KCND2: variants seen among roughly 807,000 people sequenced by gnomAD.
KCND2 encodes the protein A-type voltage-gated potassium channel KCND2.
In KCND2, 16 loss-of-function variants were observed where a neutral mutation model predicts 54.4. The ratio of observed to expected loss-of-function variants is 0.29; its 90% CI spans 0.20 to 0.45. The LOEUF is 0.45. Ranked by LOEUF, KCND2 falls within the 20% of genes least tolerant of loss-of-function variation. The probability of loss-of-function intolerance (pLI) is 1.00; values close to 1 mark genes in which losing one functional copy is unlikely to be tolerated. For missense variants in KCND2, 486 were observed against 824.2 expected (o/e 0.59, Z 5.02); for synonymous variants, 317 against 310.7 (o/e 1.02, Z -0.21).
Position 120,749,090 on chromosome 7 carries a change from A to G in KCND2, c.*1232A>G, listed in dbSNP as rs1451924633. Reference sequence around the variant, plus strand: ...GACTGGGACTAATATCACAGGATCAATCATCTCAGAATCTTACTTGATGCA... The same window carrying G: ...GACTGGGACTAATATCACAGGATCAGTCATCTCAGAATCTTACTTGATGCA... On this transcript the variant is annotated 3_prime_UTR_variant, in exon 6 of 6. Transcript: ENST00000331113. 1 of 151,994 alleles carries G rather than the reference A, an allele frequency of 6.6e-6. No individual in the cohort carries two copies. Among genetic ancestry groups the G allele is most frequent in the African/African-American group, 2.4e-5 (1 of 41,458 alleles). 9.4% of individuals were successfully genotyped at this position (151,994 alleles called of 1,614,324 possible). A position where few individuals can be genotyped will look rare whatever the true frequency, so the allele number is the denominator to read the frequency against.
chr7:120,500,008 G>GA (rs923046282), intron 1 of KCND2, among the ~76,000 whole-genome samples: 5 of 151,602 alleles, frequency 3.3e-5, no homozygotes, highest in Non-Finnish European at 5.9e-5. Context: ...ATGCAAAAGA[G>GA]AAAAAAAAGA....
chr7:120,733,186 G>A lies in KCND2; in HGVS notation c.1278+121G>A, dbSNP rs1426519829. 6.4e-5 allele frequency: 59 copies of A among 920,568 alleles called. No individual in the cohort carries two copies. In the East Asian group the frequency reaches 1.1e-3, roughly 18 times the overall value. The allele number at this position is 920,568 out of a possible 1,614,324, so 57.0% of individuals were successfully genotyped here. A position where few individuals can be genotyped will look rare whatever the true frequency, so the allele number is the denominator to read the frequency against. Reference sequence around the variant, plus strand: ...GTCAGTAGTTGCATCAATCAGGACCGAGTAGGTTATTCTACACTAAAAAGA... The same window carrying A: ...GTCAGTAGTTGCATCAATCAGGACCAAGTAGGTTATTCTACACTAAAAAGA... On this transcript the variant is annotated intron_variant, in intron 2 of 5. Transcript: ENST00000331113.
At chr7:120,606,611 T>C (rs1792885469) in intron 1 of KCND2, among the ~76,000 whole-genome samples, 1 of 152,134 alleles carries the variant, frequency 6.6e-6, no homozygotes, top group African/African-American at 2.4e-5. Flanking sequence ...CCAGTAGTCA[T>C]TGAAAAGATT....
chr7:120,318,052 G>A (rs913068042), intron 1 of KCND2, among the ~76,000 whole-genome samples: 1 of 152,102 alleles, frequency 6.6e-6, no homozygotes, highest in African/African-American at 2.4e-5. Flanking sequence ...AGATGTCAGA[G>A]GGTTATGAAA....
chr7:120,518,361 T>G (rs938788370), intron 1 of KCND2, among the ~76,000 whole-genome samples: 1 of 152,138 alleles, frequency 6.6e-6, no homozygotes, highest in African/African-American at 2.4e-5. Context: ...GTGGTAAATA[T>G]TCACAACTTA....
chr7:120,701,270 AAAAAAAT>A (rs1792398979), intron 1 of KCND2, among the ~76,000 whole-genome samples: 3 of 138,072 alleles, frequency 2.2e-5, no homozygotes, highest in African/African-American at 8.5e-5. Flanking sequence ...AAAAAAAAAA[AAAAAAAT>A]TAGAATTCTA....
At chr7:120,493,374 G>T (rs930141296) in intron 1 of KCND2, among the ~76,000 whole-genome samples, 1 of 151,864 alleles carries the variant, frequency 6.6e-6, no homozygotes, top group African/African-American at 2.4e-5. Flanking sequence ...AAAATATAGA[G>T]CTGTATAATT....
At position 120,447,824 on chromosome 7, in the gene KCND2, AT is replaced by A. The variant is rs143979925; in HGVS notation, c.1115+172086del. Among the ~76,000 whole-genome samples, 1,291 of 151,608 alleles carry A rather than the reference AT, an allele frequency of 8.5e-3. 15 individuals carry two copies. The highest frequency in any genetic ancestry group is 0.03 in the African/African-American group (1,224 of 41,354). ...GGATATGATTATATTTTTAAGACTG[AT>A]TTTTTTTTATTTTTTATTATTTGTT... On this transcript the variant is annotated intron_variant, in intron 1 of 5. Coordinates refer to ENST00000331113, the MANE Select transcript of KCND2 (RefSeq NM_012281.3).
intron 1 of KCND2, among the ~76,000 whole-genome samples, chr7:120,613,015 C>G (rs73423706): frequency 0.015 from 2,214 of 151,002 alleles, 44 homozygotes; most frequent in African/African-American, 0.051. Context: ...AGGAAAAACA[C>G]AAGATATCCA....
chr7:120,728,299 T>TAAA (rs369068748), intron 1 of KCND2, among the ~76,000 whole-genome samples: 2 of 146,258 alleles, frequency 1.4e-5, no homozygotes, highest in African/African-American at 5.0e-5. Context: ...TTTTTTTTTT[T>TAAA]AAAAATTTTG....
intron 1 of KCND2, among the ~76,000 whole-genome samples, chr7:120,295,286 T>A (rs527309789): frequency 9.9e-5 from 15 of 151,628 alleles, no homozygotes; most frequent in African/African-American, 3.1e-4. Flanking sequence ...TCTTTCTAAG[T>A]GTTAATGATA....
At chr7:120,496,724 T>G (rs183846299) in intron 1 of KCND2, among the ~76,000 whole-genome samples, 4 of 152,242 alleles carry the variant, frequency 2.6e-5, no homozygotes, top group African/African-American at 7.2e-5. Context: ...GTGCCCGGCC[T>G]TCTTAAAGCT....
At chr7:120,351,244 G>GTATATA (rs3067025) in intron 1 of KCND2, among the ~76,000 whole-genome samples, 14,330 of 137,038 alleles carry the variant, frequency 0.1, 928 homozygotes, top group Middle Eastern at 0.17. Flanking sequence ...TTATATGTGT[G>GTATATA]TATATATATA....
chr7:120,552,628 A>T (rs1369747711), intron 1 of KCND2, among the ~76,000 whole-genome samples: 4 of 152,210 alleles, frequency 2.6e-5, no homozygotes, highest in Non-Finnish European at 5.9e-5. Flanking sequence ...AGGCTTGTTC[A>T]TCGGGATTCC....
intron 1 of KCND2, among the ~76,000 whole-genome samples, chr7:120,306,092 C>G (rs372368326): frequency 1.3e-5 from 2 of 152,030 alleles, no homozygotes; most frequent in African/African-American, 2.4e-5. Context: ...GTGACTGTTT[C>G]CTGCATTCAA....
intron 1 of KCND2, among the ~76,000 whole-genome samples, chr7:120,320,275 G>T (rs186632898): frequency 5.3e-5 from 8 of 152,122 alleles, no homozygotes; most frequent in African/African-American, 1.9e-4. Context: ...ATCTGCAAAG[G>T]AGAGTTAAGG....
chr7:120,450,396 A>C (rs1301892801), intron 1 of KCND2, among the ~76,000 whole-genome samples: 1 of 152,136 alleles, frequency 6.6e-6, no homozygotes, highest in Non-Finnish European at 1.5e-5. Flanking sequence ...TGACAGAGTG[A>C]GACTCCGTCT....
At chr7:120,539,462 G>T (rs1247794681) in intron 1 of KCND2, among the ~76,000 whole-genome samples, 1 of 152,150 alleles carries the variant, frequency 6.6e-6, no homozygotes, top group East Asian at 1.9e-4. Context: ...GAGCCTGCCA[G>T]AACAGTGCTC....
intron 1 of KCND2, chr7:120,464,191 A>G: frequency 2.6e-6 from 1 of 391,064 alleles, no homozygotes; most frequent in Non-Finnish European, 3.5e-6. Context: ...CTGTTCGTGC[A>G]AGCTAGTTGG....
Sources: allele counts gnomAD v4.1 joint callset (sites outside exome capture counted in the v4.1 genomes callset), GRCh38; gene constraint gnomAD v4.1.1; transcripts MANE v1.5; gene names NCBI Gene and HGNC (gene_info 2026-07-23, HGNC 2026-07-21).